Variants in ABCA2 observed in about 807,000 individuals in gnomAD.
ABCA2 encodes ATP binding cassette subfamily A member 2, also known as ATP-binding cassette sub-family A member 2.
Under a neutral mutation model 262.8 loss-of-function variants are expected in ABCA2, and 84 were observed. The ratio of observed to expected loss-of-function variants is 0.32; its 90% CI spans 0.27 to 0.38. The LOEUF (loss-of-function observed/expected upper bound fraction) is 0.38, where lower values mean the gene tolerates loss of function less well. Among genes scored for constraint, ABCA2 ranks in the 10% least tolerant of loss-of-function variants. The probability of loss-of-function intolerance (pLI) is 1.00; values close to 1 mark genes in which losing one functional copy is unlikely to be tolerated. For missense variants in ABCA2, 2,662 were observed against 3,405.9 expected (o/e 0.78, Z 5.44); for synonymous variants, 1,696 against 1,502.9 (o/e 1.13, Z -2.97).
chr9:137,028,903 G>C, upstream of ABCA2: 1 of 1,299,574 alleles, frequency 7.7e-7, no homozygotes, highest in Non-Finnish European at 1.0e-6. The surrounding 1 kb of genome is among the most constrained non-coding windows in gnomAD (Gnocchi z 6.9). Context: ...TGCACAGGGA[G>C]TTCGGGATCA....
chr9:137,011,420 A>G lies in ABCA2; in HGVS notation c.5786T>C (p.Phe1929Ser). The change falls in exon 37 of 49, where the codon TTC becomes TCC. Residue 1929 changes from phenylalanine to serine, a missense_variant. By Grantham distance (155) the Phe-to-Ser change is radical (BLOSUM62 -2). Transcript: ENST00000341511. The surrounding 1 kb of genome is among the most constrained non-coding windows in gnomAD (Gnocchi z 8.8). ...ATVATFLLQLFEHDKDLKVVN... is the reference protein window; with the variant it reads ...ATVATFLLQLSEHDKDLKVVN... ...TCACCGCCCCACCTTGTCGTGCTCG[A>G]AGAGCTGTAGCAGGAAGGTGGCCAC... is the stretch of plus-strand genomic sequence containing the variant. 1 of 1,611,328 alleles carries G rather than the reference A, an allele frequency of 6.2e-7. No individual in the cohort carries two copies. Among genetic ancestry groups the G allele is most frequent in the Non-Finnish European group, 8.5e-7 (1 of 1,179,370 alleles).
chr9:137,012,239 G>A (rs376510023), intron 33 of ABCA2, 26 bp downstream of exon 33: 50 of 280,366 alleles, frequency 1.8e-4, no homozygotes, highest in Middle Eastern at 8.0e-4. Context: ...TCCCCGCCCC[G>A]CCCCGCCCTG....
At chr9:137,027,565 G>C (rs866544893) in intron 1 of ABCA2, 31 of 152,574 alleles carry the variant, frequency 2.0e-4, no homozygotes, top group African/African-American at 7.0e-4. Flanking sequence ...GGGAGGCGGA[G>C]AGATGCCTGG....
intron 3 of ABCA2, chr9:137,023,365 C>T (rs771940872): frequency 7.0e-5 from 49 of 700,838 alleles, no homozygotes; most frequent in Non-Finnish European, 1.1e-4. Flanking sequence ...CCCCCGAAAA[C>T]GTTTCAGGTG....
intron 3 of ABCA2, 49 bp downstream of exon 3, chr9:137,023,789 C>T: frequency 1.4e-6 from 1 of 737,116 alleles, no homozygotes; most frequent in Non-Finnish European, 2.5e-6. Context: ...CCATGGGCCC[C>T]CCGCAGCTGC....
rs201611333 is a variant in ABCA2 at position 137,018,857 on chromosome 9, C to G, written c.1723-42G>C. On this transcript the variant is annotated intron_variant, in intron 12 of 48. Coordinates refer to ENST00000341511, the MANE Select transcript of ABCA2 (RefSeq NM_001606.5). ...CGCTGGAGCCCGCCGTGGGCATGTG[C>G]GAGGCAGGGGGTGTCGTGGGTTGGC... The G allele has an allele frequency of 2.2e-5, 36 of 1,612,246 alleles. No homozygotes were observed. In the African/African-American group the frequency reaches 3.5e-4, roughly 16 times the overall value.
intron 40 of ABCA2, 50 bp downstream of exon 40, chr9:137,010,569 CT>C (rs1370460607): frequency 5.1e-6 from 8 of 1,578,534 alleles, no homozygotes; most frequent in African/African-American, 4.1e-5. Context: ...CCCCACCCCC[CT>C]GGCCCTGGCC....
In ABCA2 at chr9:137,007,591, A is replaced by G; in HGVS notation, c.*338T>C. 2.4e-6 allele frequency: 1 copy of G among 422,526 alleles called. No homozygotes were observed. Among genetic ancestry groups the G allele is most frequent in the Non-Finnish European group, 4.3e-6 (1 of 231,064 alleles). 26.2% of individuals were successfully genotyped at this position (422,526 alleles called of 1,614,324 possible). Reference sequence around the variant, plus strand: ...AGCTGGTTCCGAGGCCGGGCAGGAGAAAGGCCAGCAGTGCCTGGTCCAGCC... The same window carrying G: ...AGCTGGTTCCGAGGCCGGGCAGGAGGAAGGCCAGCAGTGCCTGGTCCAGCC... On this transcript the variant is annotated 3_prime_UTR_variant, in exon 49 of 49. Coordinates refer to ENST00000341511, the MANE Select transcript of ABCA2 (RefSeq NM_001606.5).
At chr9:137,015,295 G>A (rs765294451) in intron 24 of ABCA2, 119 bp downstream of exon 24, 1 of 1,316,272 alleles carries the variant, frequency 7.6e-7, no homozygotes, top group Non-Finnish European at 1.0e-6. Context: ...CCAGGCCCCA[G>A]CAGGCATCCT....
Position 137,011,542 on chromosome 9 carries a change from C to A in ABCA2, c.5664G>T (p.Thr1888=). 6.3e-7 allele frequency: 1 copy of A among 1,583,792 alleles called. No homozygotes were observed. Among genetic ancestry groups the A allele is most frequent in the Non-Finnish European group, 8.6e-7 (1 of 1,165,072 alleles). ...SLFLLYGWSI[T]PIMYPASFWF... The stretch of plus-strand genomic sequence containing the variant: ...AGAAGGAGGCCGGGTACATGATGGG[C>A]GTGATGGACCACCTGCGGGCAGGTG... The change falls in exon 37 of 49, where the codon ACG becomes ACT. Residue 1888 remains threonine, a synonymous_variant. Coordinates refer to ENST00000341511, the MANE Select transcript of ABCA2 (RefSeq NM_001606.5). This position sits in a 1 kb window ranked among gnomAD's most constrained non-coding sequence, Gnocchi z 8.8.
chr9:137,014,926 T>C lies in ABCA2; in HGVS notation c.3869A>G (p.Glu1290Gly). 6.4e-7 allele frequency: 1 copy of C among 1,568,166 alleles called. No individual in the cohort carries two copies. ...GCGCCCTCACACCTGGAAGAGGCGCTCGAAAGCCCCCTTCTTGGCGGCCTC... is the reference window on the plus strand; with the variant it reads ...GCGCCCTCACACCTGGAAGAGGCGCCCGAAAGCCCCCTTCTTGGCGGCCTC... ...PSEAAKKGAF[E>G]RLFQHLERSL... Residue 1290 changes from glutamate to glycine, a missense_variant, in exon 25 of 49, where the codon GAG becomes GGG. Physicochemically the swap from Glu to Gly is moderately conservative, Grantham distance 98. This residue lies in a region of ABCA2 where 297 missense variants were observed against 286.5 expected (regional missense o/e 1.04). Coordinates refer to ENST00000341511, the MANE Select transcript of ABCA2 (RefSeq NM_001606.5).
chr9:137,017,149 G>A (rs117312833), intron 18 of ABCA2, 25 bp from the exon 19 acceptor site: 59,053 of 1,611,714 alleles, frequency 0.037, 1,331 homozygotes, highest in Admixed American at 0.044. Flanking sequence ...GTGTCAGCAC[G>A]TGGGGTGGCC....
Position 137,021,067 on chromosome 9 carries a change from G to A in ABCA2, c.898-6C>T, listed in dbSNP as rs560636269. 34 of 1,473,662 alleles carry A rather than the reference G, an allele frequency of 2.3e-5. No homozygotes were observed. In the African/African-American group the frequency reaches 4.4e-4, roughly 19 times the overall value. 91.3% of individuals were successfully genotyped at this position (1,473,662 alleles called of 1,614,324 possible). A position where few individuals can be genotyped will look rare whatever the true frequency, so the allele number is the denominator to read the frequency against. On this transcript the variant is annotated splice_polypyrimidine_tract_variant and splice_region_variant and intron_variant, in intron 8 of 48. Coordinates refer to ENST00000341511, the MANE Select transcript of ABCA2 (RefSeq NM_001606.5). The surrounding 1 kb of genome is among the most constrained non-coding windows in gnomAD (Gnocchi z 6.0). ...TTGGGGGCATCCAGGCCCAGCTGAG[G>A]GGAAACAGGCACGTGGGCAGTGCGG...
chr9:137,013,037 G>T lies in ABCA2; in HGVS notation c.4832C>A (p.Ala1611Asp). The change falls in exon 30 of 49, where the codon GCC becomes GAC. Residue 1611 changes from alanine to aspartate, a missense_variant. Ala to Asp is a moderately radical substitution (Grantham distance 126). Transcript: ENST00000341511. ...SPASPDEDLQAWNVSLPPTAG... is the reference protein window; with the variant it reads ...SPASPDEDLQDWNVSLPPTAG... ...GGTGGGCGGCAGGGAGACGTTCCAG[G>T]CCTGCAGGTCCTCATCCGGGGACGC... The T allele has an allele frequency of 1.3e-6, 2 of 1,532,186 alleles. No individual in the cohort carries two copies. The highest frequency in any genetic ancestry group is 1.8e-6 in the Non-Finnish European group (2 of 1,139,950). The allele number at this position is 1,532,186 out of a possible 1,614,324, so 94.9% of individuals were successfully genotyped here.
chr9:137,022,355 G>T lies in ABCA2; in HGVS notation c.563C>A (p.Pro188His). The T allele has an allele frequency of 6.2e-7, 1 of 1,605,436 alleles. No homozygotes were observed. Among genetic ancestry groups the T allele is most frequent in the East Asian group, 2.2e-5 (1 of 44,682 alleles). Reference sequence around the variant, plus strand: ...TGGGAGCTGTCCCTGCCTTACCTCGGGCGGGTCCACACGGGCGGCCAAGAG... The same window carrying T: ...TGGGAGCTGTCCCTGCCTTACCTCGTGCGGGTCCACACGGGCGGCCAAGAG... Reference protein sequence around the residue: ...QALLAARVDPPEVYHLLFGPS... With the variant: ...QALLAARVDPHEVYHLLFGPS... Residue 188 changes from proline (P) to histidine (H), a missense_variant, in exon 6 of 49, where the codon CCC becomes CAC. Pro to His is a moderately conservative substitution (Grantham distance 77). This residue lies in a region of ABCA2 where 403 missense variants were observed against 375.9 expected (regional missense o/e 1.07). Transcript: ENST00000341511.
In ABCA2 at chr9:137,019,578, A is replaced by C; in HGVS notation, c.1426-272T>G. 1 of 401,878 alleles carries C rather than the reference A, an allele frequency of 2.5e-6. No individual in the cohort carries two copies. Among genetic ancestry groups the C allele is most frequent in the Non-Finnish European group, 4.5e-6 (1 of 221,354 alleles). 24.9% of individuals were successfully genotyped at this position (401,878 alleles called of 1,614,324 possible). A position where few individuals can be genotyped will look rare whatever the true frequency, so the allele number is the denominator to read the frequency against. On this transcript the variant is annotated intron_variant, in intron 10 of 48. Transcript: ENST00000341511. This position sits in a 1 kb window ranked among gnomAD's most constrained non-coding sequence, Gnocchi z 4.4. ...GCTGGGATTACAGGTGCCCACCACC[A>C]CGCCTGGCTAATTTTGTATTTTTGG...
At chr9:137,024,744 C>T (rs868239215) in intron 1 of ABCA2, among the ~76,000 whole-genome samples, 3 of 151,530 alleles carry the variant, frequency 2.0e-5, no homozygotes, top group African/African-American at 7.3e-5. Flanking sequence ...CCCTGAGCCT[C>T]GGAGAAGACC....
rs1005670247 is a variant in ABCA2 at position 137,019,145 on chromosome 9, C to A, written c.1554+33G>T. Reference sequence around the variant, plus strand: ...GCAGAGAGGGGCTCCCCACACCACCCACAGCCGCCTCCCTCGCGGGCACCC... The same window carrying A: ...GCAGAGAGGGGCTCCCCACACCACCAACAGCCGCCTCCCTCGCGGGCACCC... On this transcript the variant is annotated intron_variant, in intron 11 of 48. Transcript: ENST00000341511. This position sits in a 1 kb window ranked among gnomAD's most constrained non-coding sequence, Gnocchi z 4.4. The A allele has an allele frequency of 1.9e-6, 3 of 1,605,608 alleles. No individual in the cohort carries two copies. The highest frequency in any genetic ancestry group is 8.5e-7 in the Non-Finnish European group (1 of 1,175,124).
In ABCA2 at chr9:137,013,227, G is replaced by A. The variant is rs1831130997; in HGVS notation, c.4642C>T (p.Pro1548Ser). ...GVGATCVLKS[P>S]ANGSLGPTLN... is the part of the protein sequence containing the mutation. ...GTGGGCCCCAGCGAGCCGTTGGCGG[G>A]AGACTTGAGCACGCAGGTGGCACCC... Residue 1548 changes from proline to serine, a missense_variant, in exon 30 of 49, where the codon CCC becomes TCC. Transcript: ENST00000341511. The A allele has an allele frequency of 1.9e-6, 3 of 1,602,418 alleles. No individual in the cohort carries two copies. Among genetic ancestry groups the A allele is most frequent in the East Asian group, 2.2e-5 (1 of 44,588 alleles).
Sources: gnomAD v4.1 joint callset for allele counts (sites outside exome capture counted in the v4.1 genomes callset) on GRCh38, gnomAD v4.1.1 for gene constraint, gnomAD v4.1.1 regional missense constraint, Gnocchi (gnomAD v3.1) non-coding constraint, MANE v1.5 for transcripts, NCBI Gene and HGNC (gene_info 2026-07-23, HGNC 2026-07-21) for gene names.